Variants in PCDH11X observed in about 807,000 individuals in gnomAD.
PCDH11X encodes the protein protocadherin 11 X-linked.
In PCDH11X, 18 loss-of-function variants were observed where a neutral mutation model predicts 53.3. The ratio of observed to expected loss-of-function variants is 0.34; its 90% CI spans 0.23 to 0.50. PCDH11X has a LOEUF of 0.50. Ranked by LOEUF, PCDH11X falls within the 20% of genes least tolerant of loss-of-function variation. The pLI, the probability that PCDH11X is intolerant of heterozygous loss-of-function variation, is 0.98. For missense variants in PCDH11X, 570 were observed against 1,032.4 expected (o/e 0.55, Z 6.14); for synonymous variants, 279 against 393.3 (o/e 0.71, Z 3.44).
chrX:91,969,862 G>C (rs1329416822), intron 6 of PCDH11X, among the ~76,000 whole-genome samples: 1 of 109,841 alleles, frequency 9.1e-6, no homozygotes, highest in Non-Finnish European at 1.9e-5. Flanking sequence ...TGGCAGCATG[G>C]CTTGGTGGAG....
At chrX:92,377,253 G>A (rs2070773575) in intron 8 of PCDH11X, among the ~76,000 whole-genome samples, 1 of 111,339 alleles carries the variant, frequency 9.0e-6, no homozygotes, top group South Asian at 3.7e-4. Flanking sequence ...TTTAACATTA[G>A]TTGAACTCAG....
intron 6 of PCDH11X, among the ~76,000 whole-genome samples, chrX:91,950,607 T>TATATATAC (rs772420274): frequency 1.7e-3 from 168 of 97,319 alleles, no homozygotes; most frequent in Non-Finnish European, 2.0e-3. Flanking sequence ...TATATATATA[T>TATATATAC]ACACACACAC....
intron 10 of PCDH11X, among the ~76,000 whole-genome samples, chrX:92,485,463 T>C (rs2073622223): frequency 9.0e-6 from 1 of 111,460 alleles, no homozygotes; most frequent in African/African-American, 3.3e-5. Context: ...ATCTTTAAGG[T>C]CTGAAAGGAC....
chrX:92,301,584 G>T (rs1328306560), intron 8 of PCDH11X, among the ~76,000 whole-genome samples: 1 of 111,029 alleles, frequency 9.0e-6, no homozygotes, highest in Admixed American at 9.5e-5. Context: ...CGTGGCGAAA[G>T]TGAATCACTC....
At chrX:92,146,992 C>T (rs1337876430) in intron 6 of PCDH11X, among the ~76,000 whole-genome samples, 1 of 110,197 alleles carries the variant, frequency 9.1e-6, no homozygotes, top group Non-Finnish European at 1.9e-5. Context: ...GACTGAGACT[C>T]CATCTCAAAA....
At chrX:91,893,146 A>G (rs1479829609) in intron 6 of PCDH11X, among the ~76,000 whole-genome samples, 2 of 110,285 alleles carry the variant, frequency 1.8e-5, no homozygotes, top group African/African-American at 3.3e-5. Context: ...TGTAAACATC[A>G]GTTTCTGGAA....
chrX:92,321,640 T>C (rs1455271519), intron 8 of PCDH11X, among the ~76,000 whole-genome samples: 9 of 111,738 alleles, frequency 8.1e-5, no homozygotes, highest in Non-Finnish European at 1.5e-4. Context: ...AGGCCTTAGA[T>C]CCTATGGATA....
intron 10 of PCDH11X, among the ~76,000 whole-genome samples, chrX:92,599,306 G>T (rs1283339012): frequency 8.9e-6 from 1 of 111,849 alleles, no homozygotes; most frequent in East Asian, 2.8e-4. Flanking sequence ...TATGTGCTCT[G>T]ATATGGCTTG....
chrX:92,381,984 T>A (rs1461755591), intron 8 of PCDH11X, among the ~76,000 whole-genome samples: 3 of 111,061 alleles, frequency 2.7e-5, no homozygotes, highest in Non-Finnish European at 5.7e-5. Flanking sequence ...TAGTTTAGGT[T>A]TGATCTTGTT....
At chrX:92,358,563 G>T (rs1307882946) in intron 8 of PCDH11X, among the ~76,000 whole-genome samples, 1 of 93,574 alleles carries the variant, frequency 1.1e-5, no homozygotes, top group African/African-American at 3.9e-5. Context: ...TGCTAGCCTA[G>T]AAACTTGATT....
intron 6 of PCDH11X, among the ~76,000 whole-genome samples, chrX:91,924,951 G>A (rs188048357): frequency 1.8e-5 from 2 of 109,678 alleles, no homozygotes; most frequent in African/African-American, 6.6e-5. Context: ...GACCATTGAA[G>A]CTCAACTTGA....
intron 6 of PCDH11X, among the ~76,000 whole-genome samples, chrX:92,174,297 A>G (rs1479431796): frequency 9.0e-6 from 1 of 111,040 alleles, no homozygotes; most frequent in Admixed American, 9.7e-5. Context: ...AGGTGAAAAT[A>G]TTGCTGGTTA....
intron 10 of PCDH11X, among the ~76,000 whole-genome samples, chrX:92,566,160 C>T (rs755465668): frequency 1.0e-4 from 11 of 108,677 alleles, no homozygotes; most frequent in East Asian, 8.7e-4. Flanking sequence ...ACCAAGTAGT[C>T]GGCTCTATGA....
At chrX:91,905,647 G>A (rs1488081252) in intron 6 of PCDH11X, among the ~76,000 whole-genome samples, 1 of 110,990 alleles carries the variant, frequency 9.0e-6, no homozygotes, top group Non-Finnish European at 1.9e-5. Context: ...GGAAAGTAAT[G>A]CCTAATTAAT....
intron 6 of PCDH11X, among the ~76,000 whole-genome samples, chrX:92,180,524 G>A (rs1251633116): frequency 2.7e-5 from 3 of 110,755 alleles, no homozygotes; most frequent in Non-Finnish European, 5.7e-5. Context: ...TGTAAAGTCC[G>A]ATGGCTTTAA....
chrX:92,591,546 A>C (rs1925033848), intron 10 of PCDH11X, among the ~76,000 whole-genome samples: 1 of 111,688 alleles, frequency 9.0e-6, no homozygotes, highest in Non-Finnish European at 1.9e-5. Context: ...CAGGTTGGTC[A>C]GTTACAAACT....
At chrX:92,586,171 G>A (rs55637848) in intron 10 of PCDH11X, among the ~76,000 whole-genome samples, 15,572 of 87,767 alleles carry the variant, frequency 0.18, 1,911 homozygotes, top group Non-Finnish European at 0.26. Flanking sequence ...ACTTGTCATT[G>A]TTTAATGGTT....
At chrX:92,273,560 TG>T (rs1393677335) in intron 8 of PCDH11X, among the ~76,000 whole-genome samples, 2 of 110,281 alleles carry the variant, frequency 1.8e-5, no homozygotes, top group African/African-American at 6.6e-5. Context: ...GTTGAAGTGT[TG>T]GGGCGGTGAA....
intron 6 of PCDH11X, among the ~76,000 whole-genome samples, chrX:92,018,497 T>G (rs778814017): frequency 8.9e-6 from 1 of 112,084 alleles, no homozygotes; most frequent in South Asian, 3.7e-4. Flanking sequence ...TGATTAAATA[T>G]TCCAAAAGTG....
Sources: allele counts gnomAD v4.1 joint callset (sites outside exome capture counted in the v4.1 genomes callset), GRCh38; gene constraint gnomAD v4.1.1; transcripts MANE v1.5; gene names NCBI Gene and HGNC (gene_info 2026-07-23, HGNC 2026-07-21).